The following GRID1 variants were observed in gnomAD, a reference collection of about 807,000 sequenced individuals.
GRID1 encodes the protein glutamate receptor ionotropic, delta-1.
GRID1 carries 28 observed loss-of-function variants against 98.0 expected under a neutral mutation model. The ratio of observed to expected loss-of-function variants is 0.29; its 90% CI spans 0.21 to 0.39. GRID1 has a LOEUF of 0.39. Ranked by LOEUF, GRID1 falls within the 10% of genes least tolerant of loss-of-function variation. The probability of loss-of-function intolerance (pLI) is 1.00; values close to 1 mark genes in which losing one functional copy is unlikely to be tolerated. For missense variants in GRID1, 1,111 were observed against 1,340.5 expected (o/e 0.83, Z 2.67); for synonymous variants, 553 against 538.5 (o/e 1.03, Z -0.37).
chr10:86,241,405 A>ACG (rs1554864570), intron 2 of GRID1, among the ~76,000 whole-genome samples: 1,674 of 148,856 alleles, frequency 0.011, 27 homozygotes, highest in African/African-American at 0.041. Context: ...GCATCTTTAC[A>ACG]GGGGGGCCCC....
chr10:85,636,295 C>T (rs1430665043), intron 13 of GRID1, among the ~76,000 whole-genome samples: 1 of 152,090 alleles, frequency 6.6e-6, no homozygotes, highest in African/African-American at 2.4e-5. Flanking sequence ...AGTGTCATGT[C>T]CACTTTTACA....
intron 8 of GRID1, among the ~76,000 whole-genome samples, chr10:85,784,465 C>T (rs1054175654): frequency 2.6e-5 from 4 of 152,196 alleles, no homozygotes; most frequent in Non-Finnish European, 5.9e-5. Flanking sequence ...ACTCTGTCCA[C>T]CGCCATGGCT....
chr10:86,055,384 G>C (rs1318574177), intron 4 of GRID1, among the ~76,000 whole-genome samples: 3 of 152,170 alleles, frequency 2.0e-5, no homozygotes, highest in Admixed American at 2.0e-4. Flanking sequence ...CAGTGTGATG[G>C]TATTTGGAGA....
At chr10:85,976,805 A>G (rs1346608868) in intron 4 of GRID1, among the ~76,000 whole-genome samples, 2 of 152,214 alleles carry the variant, frequency 1.3e-5, no homozygotes, top group African/African-American at 4.8e-5. Flanking sequence ...CAGGACTGAC[A>G]GTCTTCAAAG....
At chr10:86,136,545 A>C (rs1406841535) in intron 4 of GRID1, among the ~76,000 whole-genome samples, 1 of 152,222 alleles carries the variant, frequency 6.6e-6, no homozygotes, top group African/African-American at 2.4e-5. Context: ...TAACATCTTT[A>C]GCTTTTCCAT....
chr10:85,889,207 G>A lies in GRID1; in HGVS notation c.781-20027C>T, dbSNP rs72842940. Among the ~76,000 whole-genome samples, 596 of 152,306 alleles carry A rather than the reference G, an allele frequency of 3.9e-3. 10 individuals carry two copies. Among genetic ancestry groups the A allele is most frequent in the South Asian group, 0.022 (108 of 4,822 alleles). Reference sequence around the variant, plus strand: ...GAGTGGGAAGTTATCCAGGTAACGGGTTTCAGCAGTCACAGGCAGAGACAT... The same window carrying A: ...GAGTGGGAAGTTATCCAGGTAACGGATTTCAGCAGTCACAGGCAGAGACAT... On this transcript the variant is annotated intron_variant, in intron 5 of 15. Coordinates refer to ENST00000327946, the MANE Select transcript of GRID1 (RefSeq NM_017551.3).
intron 4 of GRID1, among the ~76,000 whole-genome samples, chr10:85,997,173 G>A (rs1842749067): frequency 6.6e-6 from 1 of 152,184 alleles, no homozygotes; most frequent in African/African-American, 2.4e-5. Flanking sequence ...AGGCCGAAGA[G>A]GGTTGATCAC....
At chr10:86,102,938 C>T (rs1183049794) in intron 4 of GRID1, among the ~76,000 whole-genome samples, 1 of 152,114 alleles carries the variant, frequency 6.6e-6, no homozygotes, top group African/African-American at 2.4e-5. Context: ...TGAGAACTGA[C>T]AGTTTTATAA....
At chr10:85,963,330 A>T (rs2131850329) in intron 4 of GRID1, among the ~76,000 whole-genome samples, 1 of 151,646 alleles carries the variant, frequency 6.6e-6, no homozygotes, top group African/African-American at 2.4e-5. Flanking sequence ...CCACTACCTT[A>T]CTCCCAGGTA....
intron 4 of GRID1, among the ~76,000 whole-genome samples, chr10:86,044,534 G>A (rs773370737): frequency 3.9e-5 from 6 of 152,196 alleles, no homozygotes; most frequent in Non-Finnish European, 1.5e-5. Flanking sequence ...CACCGAGGGT[G>A]AATTATAGCC....
chr10:85,689,436 C>T (rs774783922), intron 12 of GRID1, among the ~76,000 whole-genome samples: 2 of 117,442 alleles, frequency 1.7e-5, no homozygotes, highest in Non-Finnish European at 3.6e-5. Context: ...AATAAAATAA[C>T]AAAGAAATGG....
intron 8 of GRID1, among the ~76,000 whole-genome samples, chr10:85,740,632 T>C (rs531861011): frequency 6.6e-6 from 1 of 152,190 alleles, no homozygotes; most frequent in Admixed American, 6.5e-5. Context: ...CTCCAGGAAG[T>C]ACAAGGTAGT....
intron 2 of GRID1, among the ~76,000 whole-genome samples, chr10:86,328,944 A>G (rs1185927299): frequency 2.0e-5 from 3 of 152,198 alleles, no homozygotes; most frequent in African/African-American, 4.8e-5. Flanking sequence ...AGTAAGTCCA[A>G]GACCTGGGAT....
chr10:86,251,724 A>G (rs1846836261), intron 2 of GRID1, among the ~76,000 whole-genome samples: 1 of 152,212 alleles, frequency 6.6e-6, no homozygotes, highest in African/African-American at 2.4e-5. Context: ...ACCAGGCATC[A>G]GCCAGATTGA....
At chr10:85,945,036 T>C (rs1842038904) in intron 4 of GRID1, among the ~76,000 whole-genome samples, 1 of 152,208 alleles carries the variant, frequency 6.6e-6, no homozygotes, top group Non-Finnish European at 1.5e-5. Context: ...CTCATGGCTT[T>C]GAGTTTCAAA....
At chr10:86,164,271 A>T (rs1845366501) in intron 3 of GRID1, among the ~76,000 whole-genome samples, 1 of 152,190 alleles carries the variant, frequency 6.6e-6, no homozygotes, top group Non-Finnish European at 1.5e-5. Context: ...CAGCCCAGGA[A>T]CCAGAAGGAA....
chr10:86,327,674 G>A (rs1453650974), intron 2 of GRID1, among the ~76,000 whole-genome samples: 1 of 152,214 alleles, frequency 6.6e-6, no homozygotes, highest in Non-Finnish European at 1.5e-5. Context: ...AGGTAGAAGA[G>A]AAGGCTCACA....
At chr10:86,187,145 G>A (rs1055554724) in intron 3 of GRID1, among the ~76,000 whole-genome samples, 6 of 152,122 alleles carry the variant, frequency 3.9e-5, no homozygotes, top group Non-Finnish European at 5.9e-5. Flanking sequence ...GGGGCGGGGC[G>A]GGGCTCAGAC....
chr10:85,893,359 A>T (rs1254407748), intron 5 of GRID1, among the ~76,000 whole-genome samples: 1 of 152,156 alleles, frequency 6.6e-6, no homozygotes, highest in East Asian at 1.9e-4. Flanking sequence ...TCTACTCAAC[A>T]TTGTGCTGGA....
Sources: allele counts gnomAD v4.1 joint callset (sites outside exome capture counted in the v4.1 genomes callset), GRCh38; gene constraint gnomAD v4.1.1; transcripts MANE v1.5; gene names NCBI Gene and HGNC (gene_info 2026-07-23, HGNC 2026-07-21).